PTPRD: variants seen among roughly 807,000 people sequenced by gnomAD.
PTPRD encodes protein tyrosine phosphatase receptor type D, also known as receptor-type tyrosine-protein phosphatase delta.
PTPRD carries 34 observed loss-of-function variants against 214.5 expected under a neutral mutation model. The ratio of observed to expected loss-of-function variants is 0.16; its 90% CI spans 0.12 to 0.21. The LOEUF is 0.21. Ranked by LOEUF, PTPRD falls within the 10% of genes least tolerant of loss-of-function variation. The pLI is 1.00. For missense variants in PTPRD, 2,545 were observed against 2,398.7 expected (o/e 1.06, Z -1.27); for synonymous variants, 1,128 against 845.7 (o/e 1.33, Z -5.79).
intron 4 of PTPRD, among the ~76,000 whole-genome samples, chr9:10,022,477 C>A (rs1335288676): frequency 6.6e-6 from 1 of 151,616 alleles, no homozygotes; most frequent in African/African-American, 2.4e-5. Context: ...GGTGCTACCC[C>A]ACAAGATTAT....
Position 8,733,916 on chromosome 9 carries a change from T to C in PTPRD, c.-73A>G, listed in dbSNP as rs1741124264. The C allele has an allele frequency of 2.7e-6, 4 of 1,454,742 alleles. No individual in the cohort carries two copies. Among genetic ancestry groups the C allele is most frequent in the Non-Finnish European group, 2.8e-6 (3 of 1,067,670 alleles). The allele number at this position is 1,454,742 out of a possible 1,614,324, so 90.1% of individuals were successfully genotyped here. ...CCGGAGCCGCAGCGAGTCTGTCCGA[T>C]CTGAAATTTCAGCTGGAACACTTTC... On this transcript the variant is annotated 5_prime_UTR_variant, in exon 12 of 46. Transcript: ENST00000381196.
chr9:9,538,275 C>G (rs527937487), intron 8 of PTPRD, among the ~76,000 whole-genome samples: 22 of 151,958 alleles, frequency 1.4e-4, no homozygotes, highest in Non-Finnish European at 2.1e-4. Context: ...TAATTTTAGT[C>G]ACACACACAA....
chr9:9,039,686 T>C (rs574315863), intron 10 of PTPRD, among the ~76,000 whole-genome samples: 121 of 152,310 alleles, frequency 7.9e-4, no homozygotes, highest in Non-Finnish European at 1.5e-3. Context: ...TTCAGCCAAC[T>C]TGCCTTGATT....
intron 22 of PTPRD, among the ~76,000 whole-genome samples, chr9:8,505,280 T>A (rs1473304669): frequency 6.6e-6 from 1 of 152,190 alleles, no homozygotes; most frequent in Non-Finnish European, 1.5e-5. Context: ...GTGTGTAATC[T>A]TAACACTTTA....
intron 7 of PTPRD, among the ~76,000 whole-genome samples, chr9:9,592,027 T>C (rs2092782932): frequency 1.3e-5 from 2 of 152,098 alleles, no homozygotes. Context: ...TGTTTTGATT[T>C]TTTATGTCTG....
At chr9:8,744,727 A>G (rs2092591412) in intron 11 of PTPRD, among the ~76,000 whole-genome samples, 1 of 152,228 alleles carries the variant, frequency 6.6e-6, no homozygotes, top group Non-Finnish European at 1.5e-5. Context: ...GTGCACCAAA[A>G]TCTCAGAAAT....
chr9:8,917,441 T>C (rs1319998512), intron 11 of PTPRD, among the ~76,000 whole-genome samples: 1 of 151,956 alleles, frequency 6.6e-6, no homozygotes. Flanking sequence ...CCGGCCTACA[T>C]AACAGATTGT....
At chr9:9,958,446 G>A (rs947318412) in intron 4 of PTPRD, among the ~76,000 whole-genome samples, 1 of 152,104 alleles carries the variant, frequency 6.6e-6, no homozygotes, top group East Asian at 1.9e-4. Flanking sequence ...CAGGAGAATT[G>A]CTTGAACCCA....
intron 11 of PTPRD, among the ~76,000 whole-genome samples, chr9:8,755,226 A>AC (rs2093891353): frequency 6.7e-6 from 1 of 149,754 alleles, no homozygotes; most frequent in Non-Finnish European, 1.5e-5. Flanking sequence ...ATTAAAAAAA[A>AC]AAAAAACAAA....
intron 9 of PTPRD, among the ~76,000 whole-genome samples, chr9:9,222,915 C>T (rs919553832): frequency 1.3e-5 from 2 of 151,928 alleles, no homozygotes; most frequent in Non-Finnish European, 2.9e-5. Context: ...ATTTAAAAAA[C>T]AATGCAGATT....
intron 11 of PTPRD, among the ~76,000 whole-genome samples, chr9:9,007,034 A>G (rs977910299): frequency 1.3e-5 from 2 of 151,974 alleles, no homozygotes; most frequent in African/African-American, 4.8e-5. Flanking sequence ...AGTAAAAAGT[A>G]AGTTCAGCTT....
intron 10 of PTPRD, among the ~76,000 whole-genome samples, chr9:9,180,710 C>A (rs969672759): frequency 2.0e-5 from 3 of 151,944 alleles, no homozygotes; most frequent in Non-Finnish European, 4.4e-5. Flanking sequence ...CAGGCAATGC[C>A]CTGAAACAAC....
chr9:8,571,910 G>A (rs371157267), intron 14 of PTPRD, among the ~76,000 whole-genome samples: 3 of 152,190 alleles, frequency 2.0e-5, no homozygotes, highest in African/African-American at 4.8e-5. Flanking sequence ...TTCTAGTGAT[G>A]GTTTGGTCAT....
At chr9:8,624,598 T>C (rs993633631) in intron 14 of PTPRD, among the ~76,000 whole-genome samples, 1 of 151,840 alleles carries the variant, frequency 6.6e-6, no homozygotes, top group Non-Finnish European at 1.5e-5. Context: ...GCAACTTTAT[T>C]GTTAGTTACT....
chr9:8,988,714 A>G (rs916548985), intron 11 of PTPRD, among the ~76,000 whole-genome samples: 1 of 152,016 alleles, frequency 6.6e-6, no homozygotes, highest in Non-Finnish European at 1.5e-5. Context: ...GTTTTATGGG[A>G]AGAATTAAAT....
chr9:9,168,857 A>G (rs969859681), intron 10 of PTPRD, among the ~76,000 whole-genome samples: 11 of 151,932 alleles, frequency 7.2e-5, no homozygotes, highest in African/African-American at 2.7e-4. Flanking sequence ...AGCATTAAGT[A>G]CTGTCTTTTA....
At chr9:9,711,750 A>G (rs1430911292) in intron 7 of PTPRD, among the ~76,000 whole-genome samples, 1 of 152,178 alleles carries the variant, frequency 6.6e-6, no homozygotes, top group Non-Finnish European at 1.5e-5. Flanking sequence ...TCTGTAATAT[A>G]TATAGCATGA....
intron 11 of PTPRD, among the ~76,000 whole-genome samples, chr9:8,838,765 C>G (rs1253246661): frequency 6.6e-6 from 1 of 151,946 alleles, no homozygotes; most frequent in Non-Finnish European, 1.5e-5. Context: ...CTTTCAGATA[C>G]TTCACCTAAA....
chr9:10,221,305 A>G (rs899514355), intron 3 of PTPRD, among the ~76,000 whole-genome samples: 1 of 152,074 alleles, frequency 6.6e-6, no homozygotes, highest in Non-Finnish European at 1.5e-5. Context: ...GCACACACAC[A>G]TATACGCAAA....
Sources: gnomAD v4.1 joint callset for allele counts (sites outside exome capture counted in the v4.1 genomes callset) on GRCh38, gnomAD v4.1.1 for gene constraint, MANE v1.5 for transcripts, NCBI Gene and HGNC (gene_info 2026-07-23, HGNC 2026-07-21) for gene names.